The following KITLG variants were observed in gnomAD, a reference collection of about 807,000 sequenced individuals.
The protein encoded by KITLG is c-Kit ligand.
Under a neutral mutation model 34.1 loss-of-function variants are expected in KITLG, and 13 were observed. The observed-to-expected ratio is 0.38, with a 90% CI of 0.25 to 0.61. The LOEUF is 0.61. Ranked by LOEUF, KITLG falls within the 20% of genes least tolerant of loss-of-function variation. The pLI is 0.60. For synonymous variants in KITLG, 110 were observed against 104.0 expected (o/e 1.06, Z -0.35); for missense variants, 292 against 318.9 (o/e 0.92, Z 0.64).
At chr12:88,545,254 C>T (rs1870679201) in intron 2 of KITLG, among the ~76,000 whole-genome samples, 1 of 152,200 alleles carries the variant, frequency 6.6e-6, no homozygotes, top group African/African-American at 2.4e-5. Flanking sequence ...CAATGAATCA[C>T]CTCTCTATGT....
chr12:88,513,730 G>A (rs894807802), intron 6 of KITLG, among the ~76,000 whole-genome samples: 2 of 151,548 alleles, frequency 1.3e-5, no homozygotes, highest in African/African-American at 4.8e-5. Flanking sequence ...AATAATCAAT[G>A]TATAAGCCCA....
intron 2 of KITLG, among the ~76,000 whole-genome samples, chr12:88,544,834 G>A (rs909389687): frequency 6.6e-5 from 10 of 152,060 alleles, no homozygotes; most frequent in African/African-American, 2.4e-4. Flanking sequence ...ATATCAAGAG[G>A]AGGGAAGATA....
intron 1 of KITLG, 121 bp downstream of exon 1, chr12:88,580,143 C>A: frequency 9.2e-7 from 1 of 1,082,058 alleles, no homozygotes; most frequent in Non-Finnish European, 1.4e-6. Flanking sequence ...CCTCTTGTCT[C>A]ACCCGGCAGG....
intron 3 of KITLG, among the ~76,000 whole-genome samples, chr12:88,520,261 C>T (rs1869609190): frequency 6.6e-6 from 1 of 152,154 alleles, no homozygotes; most frequent in Non-Finnish European, 1.5e-5. Context: ...CATGCAAGTT[C>T]CTACTTGCAT....
At chr12:88,566,247 A>G (rs1192638211) in intron 1 of KITLG, among the ~76,000 whole-genome samples, 2 of 152,156 alleles carry the variant, frequency 1.3e-5, no homozygotes, top group African/African-American at 2.4e-5. Context: ...AAAATTGTCA[A>G]ATGTCTGGAT....
At chr12:88,565,423 G>A (rs550642252) in intron 1 of KITLG, among the ~76,000 whole-genome samples, 1 of 152,194 alleles carries the variant, frequency 6.6e-6, no homozygotes, top group East Asian at 1.9e-4. Flanking sequence ...TCAAGAGATC[G>A]AGACCATCCT....
chr12:88,540,472 T>C (rs948957074), intron 2 of KITLG, among the ~76,000 whole-genome samples: 1 of 152,128 alleles, frequency 6.6e-6, no homozygotes, highest in Non-Finnish European at 1.5e-5. Flanking sequence ...TGTTTCTGCA[T>C]GGTGTCTGTG....
intron 2 of KITLG, among the ~76,000 whole-genome samples, chr12:88,541,190 C>T (rs1379010835): frequency 6.6e-6 from 1 of 152,080 alleles, no homozygotes; most frequent in Non-Finnish European, 1.5e-5. Context: ...ACGATAATCT[C>T]CATGAATCAT....
chr12:88,569,954 C>G (rs1294372268), intron 1 of KITLG, among the ~76,000 whole-genome samples: 3 of 152,066 alleles, frequency 2.0e-5, no homozygotes, highest in Non-Finnish European at 4.4e-5. Flanking sequence ...ATATAAATGG[C>G]TGGTAGCTTT....
chr12:88,533,741 C>T (rs182129411), intron 2 of KITLG, among the ~76,000 whole-genome samples: 2 of 152,236 alleles, frequency 1.3e-5, no homozygotes, highest in East Asian at 3.9e-4. Context: ...TGCATGTTTG[C>T]TAGACTAGGT....
intron 8 of KITLG, among the ~76,000 whole-genome samples, 191 bp from the exon 9 acceptor site, chr12:88,505,426 C>A (rs1214095220): frequency 1.3e-5 from 2 of 152,104 alleles, no homozygotes; most frequent in Non-Finnish European, 2.9e-5. Context: ...GGTAGTCTTT[C>A]CAAGTAGTTA....
intron 1 of KITLG, among the ~76,000 whole-genome samples, chr12:88,547,526 A>G (rs1870759281): frequency 6.6e-6 from 1 of 152,184 alleles, no homozygotes. Context: ...TGGACAGACA[A>G]CCCCTACATA....
chr12:88,512,419 C>T (rs1028540667), intron 6 of KITLG, among the ~76,000 whole-genome samples: 1 of 151,866 alleles, frequency 6.6e-6, no homozygotes, highest in African/African-American at 2.4e-5. Context: ...TAGCAATCTG[C>T]TAACATATAT....
intron 3 of KITLG, among the ~76,000 whole-genome samples, chr12:88,531,443 G>A (rs1870087756): frequency 2.0e-5 from 3 of 152,134 alleles, no homozygotes; most frequent in African/African-American, 4.8e-5. Flanking sequence ...CAATGGTAAG[G>A]TTTGATAAGC....
chr12:88,536,666 G>A (rs1870330960), intron 2 of KITLG, among the ~76,000 whole-genome samples: 1 of 152,180 alleles, frequency 6.6e-6, no homozygotes, highest in Non-Finnish European at 1.5e-5. Context: ...TAAAAAGGAT[G>A]AGTTCATGTC....
intron 1 of KITLG, among the ~76,000 whole-genome samples, chr12:88,570,606 T>C (rs1271336493): frequency 6.6e-6 from 1 of 152,096 alleles, no homozygotes; most frequent in Non-Finnish European, 1.5e-5. Context: ...TATTGGTGCA[T>C]TATATTGTAG....
At chr12:88,522,728 C>G (rs959254714) in intron 3 of KITLG, among the ~76,000 whole-genome samples, 1 of 152,050 alleles carries the variant, frequency 6.6e-6, no homozygotes, top group East Asian at 1.9e-4. Context: ...GCGCCCACCC[C>G]ACAGACAGTC....
In KITLG at chr12:88,545,013, C is replaced by T. The variant is rs537801216; in HGVS notation, c.129+739G>A. On this transcript the variant is annotated intron_variant, in intron 2 of 9. Coordinates refer to ENST00000644744, the MANE Select transcript of KITLG (RefSeq NM_000899.5). ...ATTGCTTCTCAAGCTTTGTTCATCC[C>T]GAAATCATACATGGTTCAAAAAAGC... Among the ~76,000 whole-genome samples, 17 of 152,172 alleles carry T rather than the reference C, an allele frequency of 1.1e-4. No individual in the cohort carries two copies. In the East Asian group the frequency reaches 2.3e-3, roughly 21 times the overall value.
intron 1 of KITLG, among the ~76,000 whole-genome samples, chr12:88,560,307 TTA>T (rs1871254252): frequency 6.6e-6 from 1 of 152,248 alleles, no homozygotes; most frequent in Non-Finnish European, 1.5e-5. Flanking sequence ...AGTTATAATT[TTA>T]TCTTTATTGA....
Sources: allele counts gnomAD v4.1 joint callset (sites outside exome capture counted in the v4.1 genomes callset), GRCh38; gene constraint gnomAD v4.1.1; transcripts MANE v1.5; gene names NCBI Gene and HGNC (gene_info 2026-07-23, HGNC 2026-07-21).